Variants in DNMBP observed in about 807,000 individuals in gnomAD.
DNMBP encodes the protein dynamin binding protein, also known as dynamin-binding protein.
DNMBP carries 87 observed loss-of-function variants against 150.0 expected under a neutral mutation model. The ratio of observed to expected loss-of-function variants is 0.58; its 90% CI spans 0.49 to 0.69. DNMBP has a LOEUF of 0.69. Ranked by LOEUF, DNMBP falls within the 30% of genes least tolerant of loss-of-function variation. The pLI, the probability that DNMBP is intolerant of heterozygous loss-of-function variation, is 0.00. For missense variants in DNMBP, 1,774 were observed against 1,949.0 expected (o/e 0.91, Z 1.69); for synonymous variants, 711 against 750.4 (o/e 0.95, Z 0.86).
At chr10:99,967,658 G>T (rs1163354741) in intron 3 of DNMBP, among the ~76,000 whole-genome samples, 1 of 147,270 alleles carries the variant, frequency 6.8e-6, no homozygotes, top group African/African-American at 2.5e-5. Context: ...AAGTTTGATA[G>T]GTTTTTCTGG....
intron 1 of DNMBP, 41 bp downstream of exon 1, chr10:100,009,797 G>C (rs1183083534): frequency 6.7e-6 from 1 of 148,958 alleles, no homozygotes; most frequent in African/African-American, 2.4e-5. Flanking sequence ...CCCGCTCCCC[G>C]CCCGGCCCCC....
chr10:99,970,588 T>C (rs978388752), intron 2 of DNMBP, among the ~76,000 whole-genome samples: 1 of 151,808 alleles, frequency 6.6e-6, no homozygotes, highest in East Asian at 1.9e-4. Context: ...AAGTGAAGAA[T>C]GAAAGAAAGG....
chr10:99,899,216 TAAA>T (rs912228800), intron 7 of DNMBP, among the ~76,000 whole-genome samples: 11 of 151,764 alleles, frequency 7.2e-5, no homozygotes, highest in African/African-American at 2.4e-4. Context: ...TAATAAAAAA[TAAA>T]AAAGTTAGCC....
In DNMBP at chr10:99,885,872, G is replaced by A; in HGVS notation, c.3619-6C>T. 6 of 1,606,860 alleles carry A rather than the reference G, an allele frequency of 3.7e-6. No individual in the cohort carries two copies. Among genetic ancestry groups the A allele is most frequent in the Non-Finnish European group, 5.1e-6 (6 of 1,176,258 alleles). ...CTGCCAGCCACTTTGAGTAACTGGG[G>A]TCCATGGGAAGAGCAGAGATAGAGA... On this transcript the variant is annotated splice_region_variant and splice_polypyrimidine_tract_variant and intron_variant, in intron 13 of 16. Coordinates refer to ENST00000324109, the MANE Select transcript of DNMBP (RefSeq NM_015221.4).
At chr10:100,004,532 T>G (rs2041048166) in intron 1 of DNMBP, among the ~76,000 whole-genome samples, 1 of 152,014 alleles carries the variant, frequency 6.6e-6, no homozygotes, top group Non-Finnish European at 1.5e-5. Flanking sequence ...GAGAAAGAGA[T>G]ACCATAATTT....
At chr10:99,994,168 A>C (rs1267669281) in intron 1 of DNMBP, among the ~76,000 whole-genome samples, 1 of 152,174 alleles carries the variant, frequency 6.6e-6, no homozygotes, top group African/African-American at 2.4e-5. Flanking sequence ...ATTTAGTTTC[A>C]ATTTCTGGCT....
chr10:99,926,010 C>T (rs1238212185), intron 4 of DNMBP, among the ~76,000 whole-genome samples: 1 of 152,158 alleles, frequency 6.6e-6, no homozygotes, highest in Non-Finnish European at 1.5e-5. Flanking sequence ...GAACCTTTAG[C>T]CCTCTCTAGT....
At chr10:99,922,849 T>C in intron 4 of DNMBP, among the ~76,000 whole-genome samples, 1 of 152,160 alleles carries the variant, frequency 6.6e-6, no homozygotes, top group East Asian at 1.9e-4. Flanking sequence ...CCTGCATTCA[T>C]TTCCTCTTGC....
intron 4 of DNMBP, among the ~76,000 whole-genome samples, chr10:99,953,183 G>A (rs1025572242): frequency 6.6e-6 from 1 of 152,114 alleles, no homozygotes; most frequent in Non-Finnish European, 1.5e-5. Context: ...TATAGGAAGC[G>A]GTGAACTATA....
At chr10:99,926,200 T>C (rs1564734339) in intron 4 of DNMBP, among the ~76,000 whole-genome samples, 1 of 152,264 alleles carries the variant, frequency 6.6e-6, no homozygotes, top group Non-Finnish European at 1.5e-5. Flanking sequence ...CTTGGTCTAG[T>C]AATGGTAGAG....
intron 3 of DNMBP, among the ~76,000 whole-genome samples, chr10:99,959,589 A>C (rs1052190103): frequency 6.6e-6 from 1 of 152,212 alleles, no homozygotes; most frequent in African/African-American, 2.4e-5. Flanking sequence ...GCAGTGGCTC[A>C]CACCTGTAAT....
chr10:99,899,801 T>C (rs1276669290), intron 7 of DNMBP, 118 bp downstream of exon 7: 16 of 1,133,566 alleles, frequency 1.4e-5, no homozygotes, highest in South Asian at 8.9e-5. Context: ...TTAAATGATA[T>C]ATATCATGGA....
At chr10:99,972,471 A>G (rs2040688960) in intron 1 of DNMBP, among the ~76,000 whole-genome samples, 1 of 151,906 alleles carries the variant, frequency 6.6e-6, no homozygotes, top group Admixed American at 6.6e-5. Context: ...GGGTTTCACC[A>G]TGTTGCCCAG....
intron 1 of DNMBP, among the ~76,000 whole-genome samples, chr10:99,998,675 T>C (rs1243772564): frequency 6.6e-6 from 1 of 150,998 alleles, no homozygotes; most frequent in African/African-American, 2.4e-5. Context: ...TAAGGAAAAA[T>C]GAGGTAAGTG....
At chr10:99,917,427 G>C (rs995137191) in intron 4 of DNMBP, among the ~76,000 whole-genome samples, 5 of 152,220 alleles carry the variant, frequency 3.3e-5, no homozygotes, top group Admixed American at 1.3e-4. Context: ...TATTTGAAAA[G>C]AGTGTTAAAG....
rs539921235 is a variant in DNMBP at position 99,932,471 on chromosome 10, G to A, written c.2260+22743C>T. Among the ~76,000 whole-genome samples, 763 of 152,248 alleles carry A rather than the reference G, an allele frequency of 5.0e-3. 7 individuals are homozygous for A. The highest frequency in any genetic ancestry group is 0.017 in the African/African-American group (692 of 41,536). On this transcript the variant is annotated intron_variant, in intron 4 of 16. Coordinates refer to ENST00000324109, the MANE Select transcript of DNMBP (RefSeq NM_015221.4). ...TAAATTTGTGATGCCATGAATGTGA[G>A]CTCTCAGGAAAGAAGTTCTGACATG...
At chr10:99,923,639 C>A (rs1330861648) in intron 4 of DNMBP, among the ~76,000 whole-genome samples, 1 of 152,094 alleles carries the variant, frequency 6.6e-6, no homozygotes, top group Non-Finnish European at 1.5e-5. Context: ...AACCCAAACT[C>A]CTACTGGCGT....
chr10:99,918,570 A>C (rs971276270), intron 4 of DNMBP, among the ~76,000 whole-genome samples: 2 of 88,746 alleles, frequency 2.3e-5, no homozygotes, highest in Admixed American at 1.1e-4. Context: ...GGAGTCTGCA[A>C]CTTCTTTTTT....
Position 99,956,501 on chromosome 10 carries a change from A to C in DNMBP, c.973T>G (p.Leu325Val). The C allele has an allele frequency of 3.7e-6, 6 of 1,614,110 alleles. No homozygotes were observed. Among genetic ancestry groups the C allele is most frequent in the Non-Finnish European group, 5.1e-6 (6 of 1,180,018 alleles). ...GSLARIPETS[L>V]DCLENTLGVE... The stretch of plus-strand genomic sequence containing the variant: ...CCTAAGGTGTTCTCCAAACAATCCA[A>C]AGAAGTTTCCGGGATCCTGGCAAGG... The change falls in exon 4 of 17, where the codon TTG becomes GTG. Residue 325 changes from leucine to valine, a missense_variant. Leu to Val is a conservative substitution (Grantham distance 32, BLOSUM62 1). This residue lies in a region of DNMBP where 344 missense variants were observed against 456.6 expected (regional missense o/e 0.75). Transcript: ENST00000324109.
Sources: allele counts gnomAD v4.1 joint callset (sites outside exome capture counted in the v4.1 genomes callset), GRCh38; gene constraint gnomAD v4.1.1; regional missense constraint gnomAD v4.1.1; transcripts MANE v1.5; gene names NCBI Gene and HGNC (gene_info 2026-07-23, HGNC 2026-07-21).